The following SPOUT1 variants were observed in gnomAD, a reference collection of about 807,000 sequenced individuals.
The protein encoded by SPOUT1 is SPOUT domain containing methyltransferase 1, also known as 28S rRNA (uridine-N(3))-methyltransferase.
A neutral mutation model predicts 54.8 loss-of-function variants in SPOUT1; 40 were observed. The observed-to-expected ratio is 0.73, with a 90% CI of 0.57 to 0.95. The LOEUF is 0.95. Among genes scored for constraint, SPOUT1 ranks in the 40% least tolerant of loss-of-function variants. The pLI, the probability that SPOUT1 is intolerant of heterozygous loss-of-function variation, is 0.00. For synonymous variants in SPOUT1, 193 were observed against 200.3 expected (o/e 0.96, Z 0.31); for missense variants, 437 against 499.5 (o/e 0.87, Z 1.19).
rs746238584 is a variant in SPOUT1, at chr9:128,826,926, C to G, written c.368+106G>C. ...CACAGGGAATATTTCAGGCAGGGCA[C>G]GAGGGAAGAGCCAGGCATGTGGACG... On this transcript the variant is annotated intron_variant, in intron 4 of 11. Transcript: ENST00000361256. The surrounding 1 kb of genome is among the most constrained non-coding windows in gnomAD (Gnocchi z 5.5). 4.3e-5 allele frequency: 52 copies of G among 1,203,950 alleles called. No individual in the cohort carries two copies. Among genetic ancestry groups the G allele is most frequent in the Non-Finnish European group, 6.1e-5 (51 of 840,070 alleles). The allele number at this position is 1,203,950 out of a possible 1,614,324, so 74.6% of individuals were successfully genotyped here.
At position 128,824,758 on chromosome 9, in the gene SPOUT1, G is replaced by C; in HGVS notation, c.811+13C>G. 1.3e-6 allele frequency: 2 copies of C among 1,594,866 alleles called. No individual in the cohort carries two copies. The highest frequency in any genetic ancestry group is 1.7e-6 in the Non-Finnish European group (2 of 1,162,610). On this transcript the variant is annotated intron_variant, in intron 9 of 11. Transcript: ENST00000361256. ...GATGGATGGATATTCAGAGAAGTAA[G>C]GTCTGTCCTTACTGAGGCAGGAAGC... is the stretch of plus-strand genomic sequence containing the variant.
Position 128,829,753 on chromosome 9 carries a change from A to G in SPOUT1, c.28T>C (p.Cys10Arg). ...CCGCCGCCCGCACTTACCGGGCCGC[A>G]CGGCCGCTTCCTGCCGCGCTCCGCC... MAERGRKRP[C>R]GPGEHGQRIE... The change falls in exon 1 of 12, where the codon TGC becomes CGC. Residue 10 changes from cysteine to arginine, a missense_variant. Physicochemically the swap from Cys to Arg is radical, Grantham distance 180. Coordinates refer to ENST00000361256, the MANE Select transcript of SPOUT1 (RefSeq NM_016390.4). 6.2e-7 allele frequency: 1 copy of G among 1,601,924 alleles called. No homozygotes were observed. The highest frequency in any genetic ancestry group is 1.1e-5 in the South Asian group (1 of 89,118).
chr9:128,823,931 C>G (rs376310986), intron 10 of SPOUT1, 37 bp from the exon 11 acceptor site: 24 of 1,608,600 alleles, frequency 1.5e-5, no homozygotes, highest in Non-Finnish European at 1.9e-5. Context: ...GAGCGGCCAC[C>G]GAGGCCCCAC....
Position 128,820,943 on chromosome 9 carries a change from A to G in SPOUT1, c.*1822T>C, listed in dbSNP as rs1830101159. Reference sequence around the variant, plus strand: ...CAGGCTTGCCCCAGGCTCTGGGTCAATACCAGTTCCCTACTCATCTGGTTT... The same window carrying G: ...CAGGCTTGCCCCAGGCTCTGGGTCAGTACCAGTTCCCTACTCATCTGGTTT... On this transcript the variant is annotated 3_prime_UTR_variant, in exon 12 of 12. Coordinates refer to ENST00000361256, the MANE Select transcript of SPOUT1 (RefSeq NM_016390.4). The G allele has an allele frequency of 8.9e-7, 1 of 1,125,442 alleles. No homozygotes were observed. The highest frequency in any genetic ancestry group is 1.6e-5 in the African/African-American group (1 of 64,276). The allele number at this position is 1,125,442 out of a possible 1,614,324, so 69.7% of individuals were successfully genotyped here.
Position 128,820,519 on chromosome 9 carries a change from CTT to C in SPOUT1, c.*2244_*2245del, listed in dbSNP as rs1226139414. 8 of 555,446 alleles carry C rather than the reference CTT, an allele frequency of 1.4e-5. No homozygotes were observed. The highest frequency in any genetic ancestry group is 1.2e-4 in the South Asian group (5 of 42,592). 34.4% of individuals were successfully genotyped at this position (555,446 alleles called of 1,614,324 possible). A position where few individuals can be genotyped will look rare whatever the true frequency, so the allele number is the denominator to read the frequency against. ...TCGACTCTTGGGAGCTGAGAAAAGA[CTT>C]TGACACCTGGGCTGTGGGAGGGACA... On this transcript the variant is annotated 3_prime_UTR_variant, in exon 12 of 12. Coordinates refer to ENST00000361256, the MANE Select transcript of SPOUT1 (RefSeq NM_016390.4).
rs773183767 is a variant in SPOUT1, at chr9:128,820,813, C to T, written c.*1952G>A. The stretch of plus-strand genomic sequence containing the variant: ...GCAGCTTGACCCGCAGCTACCAAAA[C>T]GTCTATGTCTGCACAGGGCCACTCT... On this transcript the variant is annotated 3_prime_UTR_variant, in exon 12 of 12. Coordinates refer to ENST00000361256, the MANE Select transcript of SPOUT1 (RefSeq NM_016390.4). The T allele has an allele frequency of 1.0e-4, 164 of 1,612,002 alleles. No homozygotes were observed. The highest frequency in any genetic ancestry group is 1.3e-4 in the Non-Finnish European group (148 of 1,179,140).
chr9:128,828,366 C>T (rs73622712), intron 3 of SPOUT1, among the ~76,000 whole-genome samples: 494 of 152,202 alleles, frequency 3.2e-3, no homozygotes, highest in African/African-American at 0.011. Context: ...TGTGGTGGCA[C>T]ACTTCTGTAA....
chr9:128,826,007 T>A lies in SPOUT1; in HGVS notation c.639+15A>T, dbSNP rs368676269. ...TGTCCTGGAGGTGTGTCCTAGCCCA[T>A]CTTTCTGTTCCTACCTTTTTCATGC... On this transcript the variant is annotated intron_variant, in intron 7 of 11. Transcript: ENST00000361256. This position sits in a 1 kb window ranked among gnomAD's most constrained non-coding sequence, Gnocchi z 5.5. 224 of 1,613,950 alleles carry A rather than the reference T, an allele frequency of 1.4e-4. 1 individual carries two copies. The African/African-American group carries it at 2.7e-3, about 20-fold the overall frequency.
intron 3 of SPOUT1, among the ~76,000 whole-genome samples, chr9:128,827,902 CAG>C (rs1395756146): frequency 6.6e-6 from 1 of 152,196 alleles, no homozygotes; most frequent in African/African-American, 2.4e-5. Flanking sequence ...GCCTGGGCAA[CAG>C]AGCGAGACTG....
Position 128,820,761 on chromosome 9 carries a change from C to A in SPOUT1, c.*2004G>T, listed in dbSNP as rs1325255000. The A allele has an allele frequency of 6.2e-7, 1 of 1,611,410 alleles. No individual in the cohort carries two copies. Among genetic ancestry groups the A allele is most frequent in the African/African-American group, 1.3e-5 (1 of 74,866 alleles). On this transcript the variant is annotated 3_prime_UTR_variant, in exon 12 of 12. Transcript: ENST00000361256. ...CAGGTGCCCCACCTCAACCAGAATGCCTGGAACAACCTGGAGAAATATAGC... is the reference window on the plus strand; with the variant it reads ...CAGGTGCCCCACCTCAACCAGAATGACTGGAACAACCTGGAGAAATATAGC...
chr9:128,822,598 G>A lies in SPOUT1; in HGVS notation c.*167C>T, dbSNP rs748622934. On this transcript the variant is annotated 3_prime_UTR_variant, in exon 12 of 12. Transcript: ENST00000361256. ...CAGGCAGCCTCAAGGCCATCACGGC[G>A]GGCAGTAAGTGAGGGTGGAGCCCAG... The A allele has an allele frequency of 1.5e-5, 24 of 1,569,214 alleles. No individual in the cohort carries two copies. Among genetic ancestry groups the A allele is most frequent in the East Asian group, 1.4e-4 (6 of 43,100 alleles).
chr9:128,826,933 A>G lies in SPOUT1; in HGVS notation c.368+99T>C. On this transcript the variant is annotated intron_variant, in intron 4 of 11. Transcript: ENST00000361256. The surrounding 1 kb of genome is among the most constrained non-coding windows in gnomAD (Gnocchi z 5.5). ...AATATTTCAGGCAGGGCACGAGGGAAGAGCCAGGCATGTGGACGGGGCCAT... is the reference window on the plus strand; with the variant it reads ...AATATTTCAGGCAGGGCACGAGGGAGGAGCCAGGCATGTGGACGGGGCCAT... The G allele has an allele frequency of 9.6e-6, 12 of 1,254,326 alleles. 1 individual carries two copies. The South Asian group carries it at 1.5e-4, about 15-fold the overall frequency. 77.7% of individuals were successfully genotyped at this position (1,254,326 alleles called of 1,614,324 possible). A position where few individuals can be genotyped will look rare whatever the true frequency, so the allele number is the denominator to read the frequency against.
chr9:128,827,666 C>A (rs1589596413), intron 3 of SPOUT1, among the ~76,000 whole-genome samples: 1 of 152,360 alleles, frequency 6.6e-6, no homozygotes, highest in East Asian at 1.9e-4. Context: ...GCCTGTAATC[C>A]CAGCACTTTG....
At position 128,822,228 on chromosome 9, in the gene SPOUT1, T is replaced by C. The variant is rs1271348021; in HGVS notation, c.*537A>G. On this transcript the variant is annotated 3_prime_UTR_variant, in exon 12 of 12. Coordinates refer to ENST00000361256, the MANE Select transcript of SPOUT1 (RefSeq NM_016390.4). ...CACAGTGAGGGCGTGGTCCTGCAGG[T>C]TGACAGAAGTTAGAGGACAGATCAG... is the stretch of plus-strand genomic sequence containing the variant. The C allele has an allele frequency of 4.9e-6, 7 of 1,436,448 alleles. No individual in the cohort carries two copies. Among genetic ancestry groups the C allele is most frequent in the African/African-American group, 1.4e-5 (1 of 71,100 alleles). The allele number at this position is 1,436,448 out of a possible 1,614,324, so 89.0% of individuals were successfully genotyped here. A position where few individuals can be genotyped will look rare whatever the true frequency, so the allele number is the denominator to read the frequency against.
At position 128,829,297 on chromosome 9, in the gene SPOUT1, A is replaced by G. The variant is rs1255099921; in HGVS notation, c.37-142T>C. The G allele has an allele frequency of 3.9e-6, 3 of 769,386 alleles. No individual in the cohort carries two copies. The East Asian group carries it at 7.4e-5, about 19-fold the overall frequency. The allele number at this position is 769,386 out of a possible 1,614,324, so 47.7% of individuals were successfully genotyped here. A position where few individuals can be genotyped will look rare whatever the true frequency, so the allele number is the denominator to read the frequency against. On this transcript the variant is annotated intron_variant, in intron 1 of 11. Coordinates refer to ENST00000361256, the MANE Select transcript of SPOUT1 (RefSeq NM_016390.4). ...ACCTCTGCGAACTGCTGCCCCAGAAAGCGGCAGGAGGGCAGGGACCCGCTG... is the reference window on the plus strand; with the variant it reads ...ACCTCTGCGAACTGCTGCCCCAGAAGGCGGCAGGAGGGCAGGGACCCGCTG...
At position 128,822,574 on chromosome 9, in the gene SPOUT1, A is replaced by G. The variant is rs1266066424; in HGVS notation, c.*191T>C. On this transcript the variant is annotated 3_prime_UTR_variant, in exon 12 of 12. Coordinates refer to ENST00000361256, the MANE Select transcript of SPOUT1 (RefSeq NM_016390.4). ...TTGTGCCAAACATCCTGGCGCGGGC[A>G]GGCAGCCTCAAGGCCATCACGGCGG... is the stretch of plus-strand genomic sequence containing the variant. The G allele has an allele frequency of 6.4e-6, 10 of 1,567,940 alleles. 1 individual carries two copies. In the South Asian group the frequency reaches 1.2e-4, roughly 18 times the overall value.
At position 128,819,695 on chromosome 9, in the gene SPOUT1, A is replaced by T. The variant is rs1191699789; in HGVS notation, c.*3070T>A. 6.4e-6 allele frequency: 1 copy of T among 155,470 alleles called. No individual in the cohort carries two copies. The highest frequency in any genetic ancestry group is 1.4e-5 in the Non-Finnish European group (1 of 70,116). The allele number at this position is 155,470 out of a possible 1,614,324, so 9.6% of individuals were successfully genotyped here. A position where few individuals can be genotyped will look rare whatever the true frequency, so the allele number is the denominator to read the frequency against. On this transcript the variant is annotated 3_prime_UTR_variant, in exon 12 of 12. Coordinates refer to ENST00000361256, the MANE Select transcript of SPOUT1 (RefSeq NM_016390.4). The stretch of plus-strand genomic sequence containing the variant: ...ATTTCTATTATTATTACATTGTAAC[A>T]TATAGTGAAATATACAACTCACAGT...
intron 7 of SPOUT1, among the ~76,000 whole-genome samples, chr9:128,825,335 T>C (rs2997915): frequency 2.0e-5 from 3 of 147,714 alleles, no homozygotes; most frequent in African/African-American, 7.5e-5. Flanking sequence ...CTTTTTTTTC[T>C]TTTTTTTCTT....
chr9:128,828,864 G>A lies in SPOUT1; in HGVS notation c.83-4C>T. 2 of 1,613,878 alleles carry A rather than the reference G, an allele frequency of 1.2e-6. No individual in the cohort carries two copies. Among genetic ancestry groups the A allele is most frequent in the Non-Finnish European group, 1.7e-6 (2 of 1,179,966 alleles). On this transcript the variant is annotated splice_polypyrimidine_tract_variant and splice_region_variant and intron_variant, in intron 2 of 11. Coordinates refer to ENST00000361256, the MANE Select transcript of SPOUT1 (RefSeq NM_016390.4). The stretch of plus-strand genomic sequence containing the variant: ...CATTTTTTTTTCTCCTCTTTCTCTG[G>A]ATAAAAGAACATCCTAATTGGCCAA...
Sources: allele counts gnomAD v4.1 joint callset (sites outside exome capture counted in the v4.1 genomes callset), GRCh38; gene constraint gnomAD v4.1.1; non-coding constraint Gnocchi (gnomAD v3.1); transcripts MANE v1.5; gene names NCBI Gene and HGNC (gene_info 2026-07-23, HGNC 2026-07-21).